The following PTPN2 variants were observed in gnomAD, a reference collection of about 807,000 sequenced individuals.
PTPN2 encodes protein tyrosine phosphatase non-receptor type 2.
A neutral mutation model predicts 57.3 loss-of-function variants in PTPN2; 19 were observed. That is an observed-to-expected ratio of 0.33 (90% confidence interval 0.23 to 0.49). PTPN2 has a LOEUF of 0.49. Ranked by LOEUF, PTPN2 falls within the 20% of genes least tolerant of loss-of-function variation. The pLI, the probability that PTPN2 is intolerant of heterozygous loss-of-function variation, is 0.99. For missense variants in PTPN2, 358 were observed against 501.1 expected (o/e 0.71, Z 2.73); for synonymous variants, 153 against 164.9 (o/e 0.93, Z 0.55).
intron 9 of PTPN2, chr18:12,786,353 C>T (rs2040843465): frequency 1.3e-5 from 2 of 152,692 alleles, no homozygotes. Flanking sequence ...TTTTAAACCA[C>T]AGGTTGTTAG....
Position 12,884,144 on chromosome 18 carries a change from C to G in PTPN2, c.-3G>C. ...TCCCGCTCGATGGTGGTGGGCATGG[C>G]TGCGGGAGCGAGCTGGCGCGAGCAG... On this transcript the variant is annotated 5_prime_UTR_variant, in exon 1 of 9. Coordinates refer to ENST00000309660, the MANE Select transcript of PTPN2 (RefSeq NM_002828.4). 1 of 1,581,068 alleles carries G rather than the reference C, an allele frequency of 6.3e-7. No individual in the cohort carries two copies. The highest frequency in any genetic ancestry group is 8.6e-7 in the Non-Finnish European group (1 of 1,165,326).
intron 2 of PTPN2, among the ~76,000 whole-genome samples, chr18:12,846,916 C>T (rs2043229036): frequency 1.3e-5 from 2 of 152,152 alleles, no homozygotes; most frequent in Admixed American, 1.3e-4. Context: ...CACATGCCTT[C>T]CACATGTGGG....
At position 12,793,429 on chromosome 18, in the gene PTPN2, T is replaced by C; in HGVS notation, c.*849A>G. On this transcript the variant is annotated 3_prime_UTR_variant, in exon 9 of 9. Transcript: ENST00000309660. Reference sequence around the variant, plus strand: ...TTTTCATGAAAAATAAACATATCAATAATGGGATTTACAGAAACCAATTTC... The same window carrying C: ...TTTTCATGAAAAATAAACATATCAACAATGGGATTTACAGAAACCAATTTC... The C allele has an allele frequency of 1.0e-6, 1 of 978,624 alleles. No individual in the cohort carries two copies. Among genetic ancestry groups the C allele is most frequent in the Non-Finnish European group, 1.2e-6 (1 of 823,218 alleles). The allele number at this position is 978,624 out of a possible 1,614,324, so 60.6% of individuals were successfully genotyped here. A position where few individuals can be genotyped will look rare whatever the true frequency, so the allele number is the denominator to read the frequency against.
At chr18:12,807,659 A>G (rs985277807) in intron 7 of PTPN2, among the ~76,000 whole-genome samples, 1 of 146,118 alleles carries the variant, frequency 6.8e-6, no homozygotes, top group African/African-American at 2.5e-5. Flanking sequence ...TTTGTGGCAA[A>G]ATGGATGAAA....
chr18:12,805,609 G>A (rs1454790245), intron 7 of PTPN2, among the ~76,000 whole-genome samples: 1 of 150,608 alleles, frequency 6.6e-6, no homozygotes, highest in African/African-American at 2.4e-5. Context: ...TTCCTCTTAA[G>A]ATCTGGAACA....
Position 12,831,539 on chromosome 18 carries a change from G to A in PTPN2, c.262-498C>T, listed in dbSNP as rs150531114. On this transcript the variant is annotated intron_variant, in intron 3 of 8. Coordinates refer to ENST00000309660, the MANE Select transcript of PTPN2 (RefSeq NM_002828.4). ...CTGATCATGTTCTAGCTGCAAAGAAGGTAGACCAAGGAAATTTCTGTCCTC... is the reference window on the plus strand; with the variant it reads ...CTGATCATGTTCTAGCTGCAAAGAAAGTAGACCAAGGAAATTTCTGTCCTC... Among the ~76,000 whole-genome samples, 13 of 152,160 alleles carry A rather than the reference G, an allele frequency of 8.5e-5. 1 individual carries two copies. The highest frequency in any genetic ancestry group is 3.9e-4 in the Admixed American group (6 of 15,274).
At chr18:12,853,865 A>G (rs2043479952) in intron 2 of PTPN2, among the ~76,000 whole-genome samples, 1 of 152,170 alleles carries the variant, frequency 6.6e-6, no homozygotes, top group Admixed American at 6.5e-5. Context: ...TTTTTCATAA[A>G]AATTGTGCAG....
intron 3 of PTPN2, among the ~76,000 whole-genome samples, chr18:12,832,204 C>T (rs1211490861): frequency 2.6e-5 from 4 of 152,204 alleles, no homozygotes; most frequent in Non-Finnish European, 5.9e-5. Context: ...GCAACCTCCA[C>T]TTCCCAGGTT....
At chr18:12,817,135 G>A (rs762012133) in intron 6 of PTPN2, 21 bp downstream of exon 6, 53 of 1,593,604 alleles carry the variant, frequency 3.3e-5, no homozygotes, top group Non-Finnish European at 4.2e-5. Context: ...AGATTAAAAT[G>A]AGATCGTAAG....
intron 8 of PTPN2, among the ~76,000 whole-genome samples, chr18:12,798,065 G>C (rs945990775): frequency 6.6e-6 from 1 of 152,116 alleles, no homozygotes; most frequent in Non-Finnish European, 1.5e-5. Flanking sequence ...CACTCTCAGT[G>C]ATCTGGGTTT....
rs959562766 is a variant in PTPN2, at chr18:12,793,597, A to C, written c.*681T>G. On this transcript the variant is annotated 3_prime_UTR_variant, in exon 9 of 9. Transcript: ENST00000309660. ...AAACTGTAAAACATAAAAGAAATGC[A>C]ATATATAGTAGAAATTGCTTATTCC... 1 of 977,678 alleles carries C rather than the reference A, an allele frequency of 1.0e-6. No individual in the cohort carries two copies. The highest frequency in any genetic ancestry group is 1.2e-6 in the Non-Finnish European group (1 of 822,398). The allele number at this position is 977,678 out of a possible 1,614,324, so 60.6% of individuals were successfully genotyped here.
At chr18:12,870,450 TATATATATATATAGAG>T (rs2044212089) in intron 1 of PTPN2, among the ~76,000 whole-genome samples, 1 of 34,410 alleles carries the variant, frequency 2.9e-5, no homozygotes, top group African/African-American at 1.7e-4. Context: ...TGTATATATA[TATATATATATATAGAG>T]AGAGAGAGAG....
At chr18:12,842,194 C>T (rs532025279) in intron 2 of PTPN2, among the ~76,000 whole-genome samples, 103 of 152,250 alleles carry the variant, frequency 6.8e-4, no homozygotes, top group African/African-American at 2.4e-3. Flanking sequence ...GAGTGAGCCA[C>T]GGCGCTCAGC....
Position 12,807,873 on chromosome 18 carries a change from G to A in PTPN2, c.859-5722C>T, listed in dbSNP as rs113352656. Among the ~76,000 whole-genome samples, 24 of 152,028 alleles carry A rather than the reference G, an allele frequency of 1.6e-4. 1 individual carries two copies. Among genetic ancestry groups the A allele is most frequent in the African/African-American group, 5.8e-4 (24 of 41,508 alleles). On this transcript the variant is annotated intron_variant, in intron 7 of 8. Coordinates refer to ENST00000309660, the MANE Select transcript of PTPN2 (RefSeq NM_002828.4). ...GTTCTGGTGTTTTACTGCACAGAAT[G>A]ACTATGGTTAATAATATTTAATATT... is the stretch of plus-strand genomic sequence containing the variant.
Position 12,859,271 on chromosome 18 carries a change from T to C in PTPN2, c.70-17A>G. 1.3e-6 allele frequency: 2 copies of C among 1,490,172 alleles called. No homozygotes were observed. Among genetic ancestry groups the C allele is most frequent in the Non-Finnish European group, 1.9e-6 (2 of 1,077,602 alleles). 92.3% of individuals were successfully genotyped at this position (1,490,172 alleles called of 1,614,324 possible). On this transcript the variant is annotated splice_polypyrimidine_tract_variant and intron_variant, in intron 1 of 8. Coordinates refer to ENST00000309660, the MANE Select transcript of PTPN2 (RefSeq NM_002828.4). The stretch of plus-strand genomic sequence containing the variant: ...TCGAATTTCCTTAAAATAACAAAAA[T>C]ATATTTTAATATCCCTCTTAAATTC...
intron 4 of PTPN2, among the ~76,000 whole-genome samples, chr18:12,827,315 C>A (rs1385498946): frequency 6.7e-6 from 1 of 150,320 alleles, no homozygotes. Context: ...TGCACTCCAG[C>A]CTGGGCGACA....
chr18:12,825,939 T>C lies in PTPN2; in HGVS notation c.366A>G (p.Lys122=), dbSNP rs1227511192. 1.3e-6 allele frequency: 2 copies of C among 1,591,644 alleles called. No individual in the cohort carries two copies. The highest frequency in any genetic ancestry group is 1.2e-5 in the South Asian group (1 of 86,540). ...CATCTGTTGGCCAGTACTGTGCACA[T>C]TTAACCTAAATTTAGAAATATGTAT... ...LNRIVEKESV[K]CAQYWPTDDQ... The change falls in exon 5 of 9, where the codon AAA becomes AAG. Residue 122 remains lysine (K), a synonymous_variant. Transcript: ENST00000309660.
chr18:12,834,865 T>C (rs1422327974), intron 3 of PTPN2, among the ~76,000 whole-genome samples: 1 of 152,164 alleles, frequency 6.6e-6, no homozygotes, highest in East Asian at 1.9e-4. Flanking sequence ...GTAATTCTTC[T>C]CTATTTTTTA....
intron 4 of PTPN2, among the ~76,000 whole-genome samples, chr18:12,829,485 AC>A (rs2042591934): frequency 7.1e-6 from 1 of 140,556 alleles, no homozygotes; most frequent in Non-Finnish European, 1.5e-5. Flanking sequence ...AGCCTGGGCA[AC>A]AGGCGAGACT....
Sources: allele counts gnomAD v4.1 joint callset (sites outside exome capture counted in the v4.1 genomes callset), GRCh38; gene constraint gnomAD v4.1.1; transcripts MANE v1.5; gene names NCBI Gene and HGNC (gene_info 2026-07-23, HGNC 2026-07-21).